The following THEMIS variants were observed in gnomAD, a reference collection of about 807,000 sequenced individuals.
The protein encoded by THEMIS is protein THEMIS.
In THEMIS, 37 loss-of-function variants were observed where a neutral mutation model predicts 52.6. That is an observed-to-expected ratio of 0.70 (90% CI 0.54 to 0.93). The LOEUF is 0.93. Ranked by LOEUF, THEMIS falls within the 40% of genes least tolerant of loss-of-function variation. THEMIS has a pLI of 0.00. For missense variants in THEMIS, 808 were observed against 763.1 expected (o/e 1.06, Z -0.69); for synonymous variants, 292 against 272.7 (o/e 1.07, Z -0.70).
chr6:127,915,618 G>GAGA (rs1781508230), intron 1 of THEMIS, among the ~76,000 whole-genome samples: 1 of 136,606 alleles, frequency 7.3e-6, no homozygotes, highest in Non-Finnish European at 1.6e-5. Context: ...GAGAGAGAGA[G>GAGA]AACTTGAGCT....
downstream of THEMIS, among the ~76,000 whole-genome samples, chr6:127,704,854 G>A (rs949257160): frequency 6.6e-6 from 1 of 152,178 alleles, no homozygotes; most frequent in Admixed American, 6.5e-5. Flanking sequence ...GAGGTTCTCT[G>A]TAAACAACTA....
At chr6:127,750,399 T>C (rs576845345) in intron 4 of THEMIS, among the ~76,000 whole-genome samples, 2 of 151,956 alleles carry the variant, frequency 1.3e-5, no homozygotes, top group African/African-American at 4.8e-5. Context: ...TTTATTTTTA[T>C]ACATATCTCA....
At chr6:127,706,214 T>C (rs753265517), downstream of THEMIS, among the ~76,000 whole-genome samples, 1 of 151,792 alleles carries the variant, frequency 6.6e-6, no homozygotes, top group Non-Finnish European at 1.5e-5. Flanking sequence ...TTAGAACATA[T>C]ATATATTATA....
intron 4 of THEMIS, among the ~76,000 whole-genome samples, chr6:127,785,508 T>C (rs1004418242): frequency 4.0e-5 from 6 of 151,762 alleles, no homozygotes; most frequent in African/African-American, 1.4e-4. Flanking sequence ...TTTCTCCAGA[T>C]TGATACATTT....
At position 127,719,785 on chromosome 6, in the gene THEMIS, A is replaced by G. The variant is rs1774301140; in HGVS notation, c.1797T>C (p.Asn599=). 1 of 1,612,232 alleles carries G rather than the reference A, an allele frequency of 6.2e-7. No individual in the cohort carries two copies. Among genetic ancestry groups the G allele is most frequent in the Admixed American group, 1.7e-5 (1 of 59,794 alleles). ...GTACTTTTGAATCCAGGCCAGCTTGATTTGGGTGAAGTTTCTTGGTTATGT... is the reference window on the plus strand; with the variant it reads ...GTACTTTTGAATCCAGGCCAGCTTGGTTTGGGTGAAGTTTCTTGGTTATGT... ...HVDITKKLHP[N]QAGLDSKVLI... The change falls in exon 5 of 6, where the codon AAT becomes AAC. Residue 599 remains asparagine (N), a synonymous_variant. Coordinates refer to ENST00000368248, the MANE Select transcript of THEMIS (RefSeq NM_001010923.3).
chr6:127,840,798 G>C (rs1779020377), intron 2 of THEMIS, among the ~76,000 whole-genome samples: 1 of 152,108 alleles, frequency 6.6e-6, no homozygotes, highest in East Asian at 1.9e-4. Context: ...ATCATGAAAA[G>C]CCATGTAAGA....
At chr6:127,880,872 A>T (rs1780464267) in intron 1 of THEMIS, among the ~76,000 whole-genome samples, 1 of 152,172 alleles carries the variant, frequency 6.6e-6, no homozygotes, top group African/African-American at 2.4e-5. Flanking sequence ...ATTTCCATGT[A>T]AAAAGTTTTA....
intron 4 of THEMIS, among the ~76,000 whole-genome samples, chr6:127,765,809 T>C (rs1235566665): frequency 2.0e-5 from 3 of 152,140 alleles, no homozygotes; most frequent in African/African-American, 4.8e-5. Flanking sequence ...TAGTAGGCTA[T>C]ACCATCTTAA....
At position 127,717,806 on chromosome 6, in the gene THEMIS, C is replaced by T. The variant is rs368885522; in HGVS notation, c.1894+1882G>A. On this transcript the variant is annotated intron_variant, in intron 5 of 5. Transcript: ENST00000368248. ...CAACATTAGAAAAGCAAAGCAGCAC[C>T]CCTATCTTAATTAGGCTTTTTTTTT... 4.8e-5 allele frequency among the ~76,000 whole-genome samples: 7 copies of T among 144,828 alleles called. 1 individual carries two copies. Among genetic ancestry groups the T allele is most frequent in the Admixed American group, 2.1e-4 (3 of 14,474 alleles).
chr6:127,853,049 T>A (rs1312735491), intron 2 of THEMIS, among the ~76,000 whole-genome samples: 2 of 151,604 alleles, frequency 1.3e-5, no homozygotes, highest in Admixed American at 1.3e-4. Flanking sequence ...TACCAAAGAT[T>A]CTAGTCATTT....
At chr6:127,716,699 G>A (rs1002868122) in intron 5 of THEMIS, among the ~76,000 whole-genome samples, 1 of 151,920 alleles carries the variant, frequency 6.6e-6, no homozygotes, top group Non-Finnish European at 1.5e-5. Context: ...CCAGGGAACT[G>A]GATGCAACAA....
chr6:127,903,181 C>T (rs1781187631), upstream of THEMIS, among the ~76,000 whole-genome samples: 1 of 151,996 alleles, frequency 6.6e-6, no homozygotes, highest in East Asian at 1.9e-4. Flanking sequence ...ATACTCAGTA[C>T]CACTCACTCT....
intron 2 of THEMIS, among the ~76,000 whole-genome samples, chr6:127,832,777 C>CTTTTT (rs11355741): frequency 0.024 from 1,358 of 57,762 alleles, 306 homozygotes; most frequent in South Asian, 0.036. Context: ...ATTGTCAGAT[C>CTTTTT]TTTTTTTTTT....
intron 1 of THEMIS, among the ~76,000 whole-genome samples, chr6:127,893,576 G>T (rs114518691): frequency 1.3e-5 from 2 of 152,126 alleles, no homozygotes; most frequent in African/African-American, 4.8e-5. Context: ...GGGCATAAAC[G>T]CTTCACATCG....
intron 2 of THEMIS, among the ~76,000 whole-genome samples, chr6:127,833,275 T>C (rs17055050): frequency 0.12 from 18,700 of 152,160 alleles, 1,524 homozygotes; most frequent in East Asian, 0.35. Flanking sequence ...GTTTATATTT[T>C]TAACCCATTC....
chr6:127,869,568 G>A (rs141084935), intron 1 of THEMIS, among the ~76,000 whole-genome samples: 170 of 152,240 alleles, frequency 1.1e-3, no homozygotes, highest in African/African-American at 3.8e-3. Flanking sequence ...CTGTATTTGC[G>A]GAGTTCCAGG....
intron 1 of THEMIS, among the ~76,000 whole-genome samples, chr6:127,885,082 G>A (rs1780605253): frequency 6.6e-6 from 1 of 151,962 alleles, no homozygotes. Flanking sequence ...AATTGGAGTG[G>A]GGGAGAATAC....
chr6:127,844,961 G>C (rs1166328176), intron 2 of THEMIS, among the ~76,000 whole-genome samples: 1 of 151,560 alleles, frequency 6.6e-6, no homozygotes, highest in Non-Finnish European at 1.5e-5. Context: ...CATTTTTGAG[G>C]TGTCAAAAGA....
intron 1 of THEMIS, 46 bp downstream of exon 1, chr6:127,900,795 AC>A: frequency 6.5e-7 from 1 of 1,537,018 alleles, no homozygotes. Context: ...AAAAATGTAT[AC>A]TTTACAAGAA....
Sources: allele counts gnomAD v4.1 joint callset (sites outside exome capture counted in the v4.1 genomes callset), GRCh38; gene constraint gnomAD v4.1.1; transcripts MANE v1.5; gene names NCBI Gene and HGNC (gene_info 2026-07-23, HGNC 2026-07-21).